The following RAB11FIP1 variants were observed in gnomAD, a reference collection of about 807,000 sequenced individuals.
RAB11FIP1 encodes the protein rab11 family-interacting protein 1.
RAB11FIP1 carries 49 observed loss-of-function variants against 83.1 expected under a neutral mutation model. The ratio of observed to expected loss-of-function variants is 0.59; its 90% confidence interval spans 0.47 to 0.75. The LOEUF is 0.75. Ranked by LOEUF, RAB11FIP1 falls within the 30% of genes least tolerant of loss-of-function variation. The probability of loss-of-function intolerance (pLI) is 0.00; values close to 1 mark genes in which losing one functional copy is unlikely to be tolerated. For synonymous variants in RAB11FIP1, 670 were observed against 656.0 expected, an observed-to-expected ratio of 1.02 and a Z score of -0.33; for missense variants, 1,536 against 1,598.7, an observed-to-expected ratio of 0.96 and a Z score of 0.67.
At position 37,899,379 on chromosome 8, in the gene RAB11FIP1, C is replaced by T; in HGVS notation, c.63G>A (p.Gln21=). The T allele has an allele frequency of 6.2e-7, 1 of 1,603,650 alleles. No individual in the cohort carries two copies. Among genetic ancestry groups the T allele is most frequent in the Non-Finnish European group, 8.5e-7 (1 of 1,176,024 alleles). Residue 21 remains glutamine, a synonymous_variant, in exon 1 of 6, where the codon CAG becomes CAA. Coordinates refer to ENST00000330843, the MANE Select transcript of RAB11FIP1 (RefSeq NM_001002814.3). This position sits in a 1 kb window ranked among gnomAD's most constrained non-coding sequence, Gnocchi z 4.5. ...LGAVWSPTHV[Q]VTVLQARGLR... is the part of the protein sequence containing the mutation. ...GGCCCCGCGCCTGCAGCACCGTCAC[C>T]TGCACGTGGGTTGGGGACCACACGG...
intron 1 of RAB11FIP1, among the ~76,000 whole-genome samples, chr8:37,898,473 T>A (rs1807138450): frequency 6.6e-6 from 1 of 152,036 alleles, no homozygotes. Flanking sequence ...GCCAATCTGA[T>A]GAAACCCCGT....
chr8:37,877,708 A>ATTTTTT (rs59670170), intron 1 of RAB11FIP1, 157 bp from the exon 2 acceptor site: 18 of 211,118 alleles, frequency 8.5e-5, no homozygotes, highest in African/African-American at 4.1e-4. Context: ...TGAGAGCAGA[A>ATTTTTT]TTTTTTTTTT....
intron 1 of RAB11FIP1, among the ~76,000 whole-genome samples, chr8:37,885,197 G>A (rs1806807959): frequency 6.6e-6 from 1 of 151,652 alleles, no homozygotes; most frequent in South Asian, 2.1e-4. Flanking sequence ...GTTTCACCGT[G>A]ATGGCCAGGC....
chr8:37,897,971 G>A (rs1272838988), intron 1 of RAB11FIP1, among the ~76,000 whole-genome samples: 1 of 152,186 alleles, frequency 6.6e-6, no homozygotes, highest in African/African-American at 2.4e-5. Context: ...CTTTAGGGTG[G>A]GGGTGTCAGC....
Position 37,875,300 on chromosome 8 carries a change from C to A in RAB11FIP1, c.837G>T (p.Ala279=). 6.2e-7 allele frequency: 1 copy of A among 1,612,124 alleles called. No homozygotes were observed. The highest frequency in any genetic ancestry group is 1.1e-5 in the South Asian group (1 of 91,026). Residue 279 remains alanine (A), a synonymous_variant, in exon 3 of 6, where the codon GCG becomes GCT. Transcript: ENST00000330843. ...GGTTCAGTTGCTTAAGATCCGTACT[C>A]GCTGTTCTCTTGTGAGACATGACTT... is the stretch of plus-strand genomic sequence containing the variant. The part of the protein sequence containing the change: ...ASDVMSHKRT[A]STDLKQLNQV...
At chr8:37,897,695 A>T (rs970507362) in intron 1 of RAB11FIP1, among the ~76,000 whole-genome samples, 3 of 152,044 alleles carry the variant, frequency 2.0e-5, no homozygotes, top group Admixed American at 6.6e-5. Flanking sequence ...ACCAACTCCA[A>T]AAGGAAACAA....
chr8:37,868,767 G>A (rs1416755805), intron 5 of RAB11FIP1, among the ~76,000 whole-genome samples: 1 of 152,120 alleles, frequency 6.6e-6, no homozygotes, highest in Non-Finnish European at 1.5e-5. Flanking sequence ...TCATCTGGGA[G>A]GCTGGTTTTG....
chr8:37,874,583 C>T lies in RAB11FIP1; in HGVS notation c.1554G>A (p.Glu518=). Residue 518 remains glutamate, a synonymous_variant, in exon 3 of 6, where the codon GAG becomes GAA. Transcript: ENST00000330843. Reference sequence around the variant, plus strand: ...TTGGAGGTCTCGGTTCAGACTTGGACTCTGGCTCAGCTTCTGGTTCTGTGA... The same window carrying T: ...TTGGAGGTCTCGGTTCAGACTTGGATTCTGGCTCAGCTTCTGGTTCTGTGA... ...VQITEPEAEP[E]SKSEPRPPIS... 1 of 1,614,228 alleles carries T rather than the reference C, an allele frequency of 6.2e-7. No individual in the cohort carries two copies. Among genetic ancestry groups the T allele is most frequent in the Non-Finnish European group, 8.5e-7 (1 of 1,180,040 alleles).
chr8:37,886,341 C>A lies in RAB11FIP1; in HGVS notation c.372-8790G>T, dbSNP rs185204343. Reference sequence around the variant, plus strand: ...TTTCATCACAATAATGACTCACATACAAATAAGGTTTCAGGTCATTTAAGC... The same window carrying A: ...TTTCATCACAATAATGACTCACATAAAAATAAGGTTTCAGGTCATTTAAGC... On this transcript the variant is annotated intron_variant, in intron 1 of 5. Transcript: ENST00000330843. Among the ~76,000 whole-genome samples, 380 of 152,262 alleles carry A rather than the reference C, an allele frequency of 2.5e-3. 4 individuals are homozygous for A. Among genetic ancestry groups the A allele is most frequent in the African/African-American group, 8.8e-3 (366 of 41,534 alleles).
chr8:37,872,671 A>G lies in RAB11FIP1; in HGVS notation c.2131T>C (p.Cys711Arg), dbSNP rs756378535. ...RQEEELPRFPCKKQDYSPSSG... is the reference protein window; with the variant it reads ...RQEEELPRFPRKKQDYSPSSG... ...GATGGGCTGTAGTCTTGTTTTTTGC[A>G]GGGGAATCTCGGAAGTTCTTCCTCT... Residue 711 changes from cysteine (C) to arginine (R), a missense_variant, in exon 4 of 6, where the codon TGC becomes CGC. Coordinates refer to ENST00000330843, the MANE Select transcript of RAB11FIP1 (RefSeq NM_001002814.3). 22 of 1,614,170 alleles carry G rather than the reference A, an allele frequency of 1.4e-5. No individual in the cohort carries two copies. In the South Asian group the frequency reaches 2.0e-4, roughly 15 times the overall value.
At position 37,870,630 on chromosome 8, in the gene RAB11FIP1, G is replaced by A; in HGVS notation, c.3525-102C>T. On this transcript the variant is annotated intron_variant, in intron 4 of 5. Coordinates refer to ENST00000330843, the MANE Select transcript of RAB11FIP1 (RefSeq NM_001002814.3). ...AGCCAGTAAGCCAGACAAGGGGCAG[G>A]TGGGTCACATGCTGCCCTCATCTCT... 4 of 634,210 alleles carry A rather than the reference G, an allele frequency of 6.3e-6. No individual in the cohort carries two copies. The Admixed American group carries it at 1.0e-4, about 16-fold the overall frequency. 39.3% of individuals were successfully genotyped at this position (634,210 alleles called of 1,614,324 possible).
Position 37,899,285 on chromosome 8 carries a change from C to A in RAB11FIP1, c.157G>T (p.Ala53Ser). ...AVIQVGKEKY[A>S]TSVSERSLGA... ...AGGCTGCGCTCCGACACGGAGGTGG[C>A]GTACTTCTCCTTGCCCACCTGGATC... is the stretch of plus-strand genomic sequence containing the variant. Residue 53 changes from alanine to serine, a missense_variant, in exon 1 of 6, where the codon GCC (alanine) becomes TCC (serine). By Grantham distance (99) the Ala-to-Ser change is moderately conservative. Coordinates refer to ENST00000330843, the MANE Select transcript of RAB11FIP1 (RefSeq NM_001002814.3). This position sits in a 1 kb window ranked among gnomAD's most constrained non-coding sequence, Gnocchi z 4.5. 6.2e-7 allele frequency: 1 copy of A among 1,609,036 alleles called. No individual in the cohort carries two copies. The highest frequency in any genetic ancestry group is 8.5e-7 in the Non-Finnish European group (1 of 1,178,826).
rs1317303039 is a variant in RAB11FIP1, at chr8:37,874,692, T to C, written c.1445A>G (p.Asp482Gly). ...PGEDASGPAEDLVRRSEKDTA... is the reference protein window; with the variant it reads ...PGEDASGPAEGLVRRSEKDTA... ...ATCTTTCTCAGATCTTCTCACAAGG[T>C]CTTCAGCAGGCCCCGATGCGTCCTC... Residue 482 changes from aspartate (D) to glycine (G), a missense_variant, in exon 3 of 6, where the codon GAC (aspartate) becomes GGC (glycine). Coordinates refer to ENST00000330843, the MANE Select transcript of RAB11FIP1 (RefSeq NM_001002814.3). 1 of 1,614,144 alleles carries C rather than the reference T, an allele frequency of 6.2e-7. No homozygotes were observed. The highest frequency in any genetic ancestry group is 1.7e-5 in the Admixed American group (1 of 60,028).
In RAB11FIP1 at chr8:37,874,586, T is replaced by C; in HGVS notation, c.1551A>G (p.Pro517=). ...DVQITEPEAE[P]ESKSEPRPPI... ...GAGGTCTCGGTTCAGACTTGGACTC[T>C]GGCTCAGCTTCTGGTTCTGTGATCT... The change falls in exon 3 of 6, where the codon CCA becomes CCG. Residue 517 remains proline, a synonymous_variant. Transcript: ENST00000330843. 1 of 1,614,240 alleles carries C rather than the reference T, an allele frequency of 6.2e-7. No homozygotes were observed. The highest frequency in any genetic ancestry group is 8.5e-7 in the Non-Finnish European group (1 of 1,180,042).
In RAB11FIP1 at chr8:37,861,537, G is replaced by A. The variant is rs780644918; in HGVS notation, c.*1358C>T. The A allele has an allele frequency of 1.1e-5, 5 of 443,222 alleles. No individual in the cohort carries two copies. In the East Asian group the frequency reaches 2.1e-4, roughly 19 times the overall value. The allele number at this position is 443,222 out of a possible 1,614,324, so 27.5% of individuals were successfully genotyped here. On this transcript the variant is annotated 3_prime_UTR_variant, in exon 6 of 6. Transcript: ENST00000330843. ...GGTCTCCTGTCCCCTGTAGAGTGAA[G>A]GGGCTTCTTTTTTTCTTTTTAGTTT... is the stretch of plus-strand genomic sequence containing the variant.
Position 37,870,534 on chromosome 8 carries a change from G to T in RAB11FIP1, c.3525-6C>A, listed in dbSNP as rs779972924. 1.4e-5 allele frequency: 21 copies of T among 1,487,812 alleles called. No individual in the cohort carries two copies. The highest frequency in any genetic ancestry group is 1.9e-5 in the Non-Finnish European group (20 of 1,067,100). The allele number at this position is 1,487,812 out of a possible 1,614,324, so 92.2% of individuals were successfully genotyped here. A position where few individuals can be genotyped will look rare whatever the true frequency, so the allele number is the denominator to read the frequency against. ...TTGGCTTCACAGGATGAAGTCTAAA[G>T]AGAAGGGGAAAAGGATCTTTAGACC... is the stretch of plus-strand genomic sequence containing the variant. On this transcript the variant is annotated splice_polypyrimidine_tract_variant and splice_region_variant and intron_variant, in intron 4 of 5. Transcript: ENST00000330843.
chr8:37,871,032 G>A (rs999406788), intron 4 of RAB11FIP1: 19 of 469,222 alleles, frequency 4.0e-5, no homozygotes, highest in South Asian at 3.6e-4. Context: ...TGCAATGTGC[G>A]AGCTCCAAAT....
At chr8:37,896,985 C>T (rs1475508992) in intron 1 of RAB11FIP1, among the ~76,000 whole-genome samples, 5 of 152,110 alleles carry the variant, frequency 3.3e-5, no homozygotes, top group Non-Finnish European at 2.9e-5. Flanking sequence ...GTTGGGATGG[C>T]GCAAGACAAC....
chr8:37,882,507 C>T (rs977412364), intron 1 of RAB11FIP1, among the ~76,000 whole-genome samples: 4 of 152,224 alleles, frequency 2.6e-5, no homozygotes, highest in African/African-American at 9.6e-5. Flanking sequence ...GGGCACATCT[C>T]TCAATGATCT....
Sources: gnomAD v4.1 joint callset for allele counts (sites outside exome capture counted in the v4.1 genomes callset) on GRCh38, gnomAD v4.1.1 for gene constraint, Gnocchi (gnomAD v3.1) non-coding constraint, MANE v1.5 for transcripts, NCBI Gene and HGNC (gene_info 2026-07-23, HGNC 2026-07-21) for gene names.